The following AGBL4 variants were observed in gnomAD, a reference collection of about 807,000 sequenced individuals.
AGBL4 encodes the protein cytosolic carboxypeptidase 6.
In AGBL4, 58 loss-of-function variants were observed where a neutral mutation model predicts 66.4. The observed-to-expected ratio is 0.87, with a 90% CI of 0.71 to 1.09. AGBL4 has a LOEUF of 1.09. Among genes scored for constraint, AGBL4 ranks in the 50% least tolerant of loss-of-function variants. The probability of loss-of-function intolerance (pLI) is 0.00; values close to 1 mark genes in which losing one functional copy is unlikely to be tolerated. For synonymous variants in AGBL4, 234 were observed against 222.9 expected, an observed-to-expected ratio of 1.05 and a Z score of -0.44; for missense variants, 579 against 631.0, an observed-to-expected ratio of 0.92 and a Z score of 0.88.
intron 3 of AGBL4, among the ~76,000 whole-genome samples, chr1:49,461,556 T>C (rs1646512827): frequency 1.3e-5 from 2 of 151,198 alleles, no homozygotes; most frequent in Admixed American, 1.3e-4. Flanking sequence ...GCCATGATGG[T>C]TTGCTATACC....
chr1:48,756,724 T>C (rs1178693106), intron 6 of AGBL4, among the ~76,000 whole-genome samples: 1 of 152,228 alleles, frequency 6.6e-6, no homozygotes, highest in Non-Finnish European at 1.5e-5. Flanking sequence ...ATCCTCCTAT[T>C]AACATGTGTT....
At chr1:49,716,946 A>C (rs1290442304) in intron 2 of AGBL4, among the ~76,000 whole-genome samples, 1 of 152,236 alleles carries the variant, frequency 6.6e-6, no homozygotes, top group South Asian at 2.1e-4. Flanking sequence ...GGCAAGAGAA[A>C]GAAATAAAGG....
At chr1:49,602,896 T>C (rs1007124656) in intron 3 of AGBL4, among the ~76,000 whole-genome samples, 1 of 151,888 alleles carries the variant, frequency 6.6e-6, no homozygotes, top group African/African-American at 2.4e-5. Context: ...AGGAAAGAAC[T>C]AACTTTTTAC....
chr1:49,325,499 T>C (rs1645212372), intron 3 of AGBL4, among the ~76,000 whole-genome samples: 1 of 152,254 alleles, frequency 6.6e-6, no homozygotes, highest in Non-Finnish European at 1.5e-5. Flanking sequence ...ATTACCACTG[T>C]TGTTTTAAAA....
intron 1 of AGBL4, among the ~76,000 whole-genome samples, chr1:49,952,943 T>A (rs550529849): frequency 5.9e-4 from 89 of 151,936 alleles, no homozygotes; most frequent in Non-Finnish European, 1.1e-3. Flanking sequence ...CAATCCCCAA[T>A]AAATGGTAAG....
chr1:49,990,521 T>A (rs952205999), intron 1 of AGBL4, among the ~76,000 whole-genome samples: 4 of 152,198 alleles, frequency 2.6e-5, no homozygotes, highest in African/African-American at 9.6e-5. Context: ...AAACTGTGAG[T>A]CAATCAAGCC....
chr1:48,849,728 T>G (rs1469851159), intron 6 of AGBL4, among the ~76,000 whole-genome samples: 2 of 152,192 alleles, frequency 1.3e-5, no homozygotes, highest in African/African-American at 4.8e-5. Context: ...ATCCCAGCAC[T>G]TTGGGAGGCC....
At chr1:49,738,413 C>T (rs1182682401) in intron 2 of AGBL4, among the ~76,000 whole-genome samples, 1 of 152,212 alleles carries the variant, frequency 6.6e-6, no homozygotes, top group Non-Finnish European at 1.5e-5. Context: ...CCAGGAAGCT[C>T]AAACTGGGTG....
intron 6 of AGBL4, among the ~76,000 whole-genome samples, chr1:48,697,443 G>A (rs1043152938): frequency 1.3e-5 from 2 of 152,182 alleles, no homozygotes; most frequent in Non-Finnish European, 2.9e-5. Flanking sequence ...CTGAAGGGCA[G>A]GCATTATCTT....
At chr1:48,852,015 CTTTTTTTTTT>C (rs138826187) in intron 6 of AGBL4, among the ~76,000 whole-genome samples, 4 of 71,932 alleles carry the variant, frequency 5.6e-5, no homozygotes, top group Admixed American at 1.8e-4. Context: ...CAGATACGTA[CTTTTTTTTTT>C]TTTTTTTTTT....
chr1:49,510,338 G>A (rs1649101857), intron 3 of AGBL4, among the ~76,000 whole-genome samples: 1 of 151,604 alleles, frequency 6.6e-6, no homozygotes. Context: ...GGCCAGTGAT[G>A]GTGAGCATTT....
intron 4 of AGBL4, among the ~76,000 whole-genome samples, chr1:49,078,609 A>G (rs1644753875): frequency 6.6e-6 from 1 of 152,062 alleles, no homozygotes; most frequent in Non-Finnish European, 1.5e-5. Context: ...TCCAGCCCTC[A>G]CTAGCTCTCC....
intron 6 of AGBL4, among the ~76,000 whole-genome samples, chr1:48,810,633 C>A (rs1480748163): frequency 6.6e-6 from 1 of 152,170 alleles, no homozygotes; most frequent in Non-Finnish European, 1.5e-5. Flanking sequence ...TAGATGGAAG[C>A]TATTATTTTA....
At chr1:48,552,286 A>T (rs905354943) in intron 11 of AGBL4, among the ~76,000 whole-genome samples, 4 of 152,046 alleles carry the variant, frequency 2.6e-5, no homozygotes, top group African/African-American at 7.2e-5. Flanking sequence ...CTTGTCTCGA[A>T]CTCCTGACCT....
At position 49,873,183 on chromosome 1, in the gene AGBL4, C is replaced by T. The variant is rs1439182437; in HGVS notation, c.35-21665G>A. 2.0e-5 allele frequency among the ~76,000 whole-genome samples: 3 copies of T among 152,038 alleles called. No individual in the cohort carries two copies. In the East Asian group the frequency reaches 5.8e-4, roughly 29 times the overall value. The stretch of plus-strand genomic sequence containing the variant: ...ATATCAGGTTTCCAGGATTGTTCTC[C>T]CTTTTTGTTTGCTTGTTTTCTTTCT... On this transcript the variant is annotated intron_variant, in intron 1 of 13. Coordinates refer to ENST00000371839, the MANE Select transcript of AGBL4 (RefSeq NM_032785.4).
chr1:49,545,945 T>C (rs1236805929), intron 3 of AGBL4, among the ~76,000 whole-genome samples: 1 of 152,170 alleles, frequency 6.6e-6, no homozygotes, highest in East Asian at 1.9e-4. Flanking sequence ...GTAAGTTCTT[T>C]AGTGGTGGTT....
intron 6 of AGBL4, among the ~76,000 whole-genome samples, chr1:48,796,350 A>G (rs1382997780): frequency 6.6e-6 from 1 of 152,172 alleles, no homozygotes; most frequent in Admixed American, 6.5e-5. Context: ...GTTTACTTCT[A>G]TATCTCCAAT....
intron 6 of AGBL4, among the ~76,000 whole-genome samples, chr1:48,694,048 C>CAAAAA (rs61574470): frequency 1.8e-5 from 1 of 56,974 alleles, no homozygotes; most frequent in African/African-American, 4.7e-5. Flanking sequence ...TTTCCCTATT[C>CAAAAA]AAAAAAAAAA....
chr1:49,213,310 A>C (rs1340026155), intron 4 of AGBL4, among the ~76,000 whole-genome samples: 3 of 152,108 alleles, frequency 2.0e-5, no homozygotes, highest in African/African-American at 7.2e-5. Flanking sequence ...ATTTTGAAGT[A>C]TATCTGACAT....
Sources: gnomAD v4.1 joint callset for allele counts (sites outside exome capture counted in the v4.1 genomes callset) on GRCh38, gnomAD v4.1.1 for gene constraint, MANE v1.5 for transcripts, NCBI Gene and HGNC (gene_info 2026-07-23, HGNC 2026-07-21) for gene names.